Variants in MAGI2 observed in about 807,000 individuals in gnomAD.
The protein encoded by MAGI2 is membrane-associated guanylate kinase, WW and PDZ domain-containing protein 2.
In MAGI2, 35 loss-of-function variants were observed where a neutral mutation model predicts 133.3. That is an observed-to-expected ratio of 0.26 (90% confidence interval 0.20 to 0.35). The LOEUF is 0.35. MAGI2 is among the 10% of genes least tolerant of loss of function. The pLI is 1.00. For synonymous variants in MAGI2, 729 were observed against 710.6 expected (o/e 1.03, Z -0.41); for missense variants, 1,636 against 1,863.4 (o/e 0.88, Z 2.25).
chr7:78,608,172 C>T (rs188052065), intron 3 of MAGI2, among the ~76,000 whole-genome samples: 1 of 152,260 alleles, frequency 6.6e-6, no homozygotes, highest in African/African-American at 2.4e-5. Context: ...TATTAAGTCC[C>T]TCTCTTGACT....
Position 78,238,112 on chromosome 7 carries a change from G to T in MAGI2, c.2047+17831C>A, listed in dbSNP as rs553741929. The stretch of plus-strand genomic sequence containing the variant: ...TCTTCCTCACAAGTTATGTGTTTTT[G>T]GCCTTTTGCTGGTCACTCTTCCCCT... On this transcript the variant is annotated intron_variant, in intron 10 of 21. Transcript: ENST00000354212. 8.6e-5 allele frequency among the ~76,000 whole-genome samples: 13 copies of T among 151,998 alleles called. No individual in the cohort carries two copies. The East Asian group carries it at 2.1e-3, about 25-fold the overall frequency.
intron 2 of MAGI2, among the ~76,000 whole-genome samples, chr7:78,775,283 A>C (rs889952114): frequency 7.5e-6 from 1 of 132,696 alleles, no homozygotes; most frequent in Non-Finnish European, 1.5e-5. Context: ...ATTGCACTCC[A>C]GCCTGGGCGA....
chr7:79,358,985 T>G (rs1330661403), intron 1 of MAGI2, among the ~76,000 whole-genome samples: 1 of 152,060 alleles, frequency 6.6e-6, no homozygotes, highest in Non-Finnish European at 1.5e-5. Context: ...GAACATAAAA[T>G]TTCACACCTT....
intron 1 of MAGI2, among the ~76,000 whole-genome samples, chr7:79,397,933 T>C (rs1466579054): frequency 1.3e-5 from 2 of 152,204 alleles, no homozygotes; most frequent in Admixed American, 1.3e-4. Flanking sequence ...ATCATATTTA[T>C]TTCAACTTTC....
At chr7:79,165,197 T>C (rs1363374778) in intron 1 of MAGI2, among the ~76,000 whole-genome samples, 1 of 151,610 alleles carries the variant, frequency 6.6e-6, no homozygotes, top group African/African-American at 2.4e-5. Flanking sequence ...TTTTTAATTC[T>C]CAGTGCATTT....
chr7:78,676,000 T>G (rs188532095), intron 2 of MAGI2, among the ~76,000 whole-genome samples: 1 of 152,250 alleles, frequency 6.6e-6, no homozygotes, highest in East Asian at 1.9e-4. Flanking sequence ...ATTTAAAAGT[T>G]AAAAGGATAT....
intron 2 of MAGI2, among the ~76,000 whole-genome samples, chr7:78,761,093 A>G (rs1824461831): frequency 6.6e-6 from 1 of 152,222 alleles, no homozygotes; most frequent in Non-Finnish European, 1.5e-5. Flanking sequence ...AAGCTGTCCA[A>G]CTTTTATATG....
chr7:78,130,125 C>T (rs1821413237), intron 18 of MAGI2, among the ~76,000 whole-genome samples: 1 of 151,994 alleles, frequency 6.6e-6, no homozygotes, highest in Non-Finnish European at 1.5e-5. Context: ...TATTCCATAA[C>T]AGCTCTTCTG....
intron 10 of MAGI2, among the ~76,000 whole-genome samples, chr7:78,231,340 G>C (rs560786050): frequency 1.1e-4 from 16 of 152,336 alleles, no homozygotes; most frequent in Non-Finnish European, 1.8e-4. Flanking sequence ...TGGAATTCTG[G>C]ATGGGATGGG....
intron 1 of MAGI2, among the ~76,000 whole-genome samples, chr7:79,230,088 C>T (rs1439298852): frequency 6.6e-6 from 1 of 150,974 alleles, no homozygotes; most frequent in Non-Finnish European, 1.5e-5. Flanking sequence ...TGATGATTTC[C>T]AATTTCATCC....
intron 2 of MAGI2, among the ~76,000 whole-genome samples, chr7:78,925,892 C>G (rs1356087793): frequency 1.3e-5 from 2 of 151,928 alleles, no homozygotes; most frequent in African/African-American, 4.8e-5. Context: ...TCCATAACTG[C>G]TAAGAGTGGA....
At chr7:79,051,315 A>G (rs966428088) in intron 1 of MAGI2, among the ~76,000 whole-genome samples, 1 of 152,160 alleles carries the variant, frequency 6.6e-6, no homozygotes, top group Non-Finnish European at 1.5e-5. Flanking sequence ...TCCCTATGCA[A>G]TGAGGGTCTT....
intron 1 of MAGI2, among the ~76,000 whole-genome samples, chr7:79,371,658 G>GT (rs879531998): frequency 1.1e-4 from 17 of 152,204 alleles, no homozygotes; most frequent in Admixed American, 5.2e-4. Flanking sequence ...CTAGGTTTGT[G>GT]TAAGTACATT....
intron 1 of MAGI2, among the ~76,000 whole-genome samples, chr7:79,418,217 C>A (rs952342178): frequency 6.6e-6 from 1 of 151,904 alleles, no homozygotes; most frequent in African/African-American, 2.4e-5. Flanking sequence ...GTTTGTAAAG[C>A]CTTAGCAACT....
intron 1 of MAGI2, among the ~76,000 whole-genome samples, chr7:79,283,172 T>C (rs1260009540): frequency 3.3e-5 from 5 of 152,060 alleles, no homozygotes; most frequent in Admixed American, 3.3e-4. Context: ...GGTTCAGAAA[T>C]TTTAAGAATC....
chr7:78,026,983 C>A (rs140405936), intron 21 of MAGI2, among the ~76,000 whole-genome samples: 42 of 152,214 alleles, frequency 2.8e-4, no homozygotes, highest in Non-Finnish European at 7.4e-5. Flanking sequence ...CATGTTAATA[C>A]ATGTAAACTG....
At chr7:78,627,796 C>A (rs1196440134) in intron 2 of MAGI2, among the ~76,000 whole-genome samples, 1 of 152,174 alleles carries the variant, frequency 6.6e-6, no homozygotes, top group African/African-American at 2.4e-5. Flanking sequence ...TTTACTATTA[C>A]TTAAAATTAA....
At chr7:78,924,557 G>A (rs1799532156) in intron 2 of MAGI2, among the ~76,000 whole-genome samples, 2 of 152,044 alleles carry the variant, frequency 1.3e-5, no homozygotes, top group African/African-American at 4.8e-5. Flanking sequence ...ACTTGATCAT[G>A]GTGGATAAGC....
chr7:78,537,170 T>TACACACACACACAC (rs3086437), intron 3 of MAGI2, among the ~76,000 whole-genome samples: 14 of 146,202 alleles, frequency 9.6e-5, no homozygotes, highest in Non-Finnish European at 1.7e-4. Context: ...AGTATTCCAC[T>TACACACACACACAC]ACACACACAC....
Sources: gnomAD v4.1 joint callset for allele counts (sites outside exome capture counted in the v4.1 genomes callset) on GRCh38, gnomAD v4.1.1 for gene constraint, MANE v1.5 for transcripts, NCBI Gene and HGNC (gene_info 2026-07-23, HGNC 2026-07-21) for gene names.